The following ERI1 variants were observed in gnomAD, a reference collection of about 807,000 sequenced individuals.
The protein encoded by ERI1 is exoribonuclease 1.
A neutral mutation model predicts 39.7 loss-of-function variants in ERI1; 39 were observed. The observed-to-expected ratio is 0.98, with a 90% CI of 0.76 to 1.28. The LOEUF (loss-of-function observed/expected upper bound fraction) is 1.28. Ranked by LOEUF, ERI1 falls within the 50% of genes most tolerant of loss-of-function variation. The probability of loss-of-function intolerance (pLI) is 0.00; values close to 1 mark genes in which losing one functional copy is unlikely to be tolerated. For missense variants in ERI1, 581 were observed against 416.9 expected, an observed-to-expected ratio of 1.39 and a Z score of -3.43; for synonymous variants, 204 against 149.6, an observed-to-expected ratio of 1.36 and a Z score of -2.65.
chr8:9,085,685 G>T (rs539600668), intron 3 of ERI1, among the ~76,000 whole-genome samples: 6 of 151,736 alleles, frequency 4.0e-5, no homozygotes, highest in Non-Finnish European at 8.8e-5. Flanking sequence ...GAAAGTTCAG[G>T]GCCCCTAATT....
intron 3 of ERI1, among the ~76,000 whole-genome samples, chr8:9,063,154 AT>A (rs1298600570): frequency 6.6e-6 from 1 of 152,170 alleles, no homozygotes; most frequent in East Asian, 1.9e-4. Context: ...TCGGCAGCAG[AT>A]TGGGTAATAA....
chr8:9,064,256 G>T (rs1392178710), intron 3 of ERI1, among the ~76,000 whole-genome samples: 1 of 150,322 alleles, frequency 6.7e-6, no homozygotes, highest in African/African-American at 2.5e-5. Context: ...GGGGTTTCTT[G>T]CCCCCCAGAA....
At chr8:9,057,981 T>C (rs1013832027) in intron 3 of ERI1, among the ~76,000 whole-genome samples, 2 of 152,152 alleles carry the variant, frequency 1.3e-5, no homozygotes, top group Admixed American at 1.3e-4. Context: ...TCATAGGGTC[T>C]TGGGGGCCGT....
At chr8:9,080,370 A>C (rs572748433) in intron 3 of ERI1, among the ~76,000 whole-genome samples, 59 of 152,290 alleles carry the variant, frequency 3.9e-4, no homozygotes, top group African/African-American at 1.4e-3. Context: ...TGATGTCCTG[A>C]CAGGATGGCT....
At position 9,032,650 on chromosome 8, in the gene ERI1, A is replaced by G. The variant is rs529429030; in HGVS notation, c.*2616A>G. The G allele has an allele frequency of 3.9e-5, 6 of 152,334 alleles. No homozygotes were observed. The highest frequency in any genetic ancestry group is 1.3e-4 in the Admixed American group (2 of 15,300). The allele number at this position is 152,334 out of a possible 1,614,324, so 9.4% of individuals were successfully genotyped here. On this transcript the variant is annotated 3_prime_UTR_variant, in exon 7 of 7. Coordinates refer to ENST00000250263, the MANE Select transcript of ERI1 (RefSeq NM_153332.4). ...TCTCTGAAGACTAATTAAAATGGTA[A>G]TTTTTAAAAAGATGTGACCAGTTGA...
rs752168170 is a variant in ERI1 at position 9,029,885 on chromosome 8, A to G, written c.901A>G (p.Asn301Asp). Residue 301 changes from asparagine to aspartate, a missense_variant, in exon 7 of 7, where the codon AAT becomes GAT. By Grantham distance (23) the Asn-to-Asp change is conservative. Transcript: ENST00000250263. The part of the protein sequence containing the change: ...RPHCGLDDSK[N>D]IARIAVRMLQ... ...TCACTGTGGTCTTGATGACTCTAAG[A>G]ATATCGCCCGAATAGCAGTTCGAAT... The G allele has an allele frequency of 2.5e-6, 4 of 1,614,178 alleles. No homozygotes were observed. The highest frequency in any genetic ancestry group is 3.4e-6 in the Non-Finnish European group (4 of 1,180,032).
chr8:9,016,109 T>G (rs2117225789), intron 3 of ERI1, among the ~76,000 whole-genome samples: 1 of 152,332 alleles, frequency 6.6e-6, no homozygotes, highest in Non-Finnish European at 1.5e-5. Context: ...CACACTCACT[T>G]TATCGTAAAA....
intron 3 of ERI1, among the ~76,000 whole-genome samples, chr8:9,044,762 C>A (rs1157898610): frequency 6.6e-6 from 1 of 152,008 alleles, no homozygotes; most frequent in Non-Finnish European, 1.5e-5. Context: ...GTCTCCAAGA[C>A]GGTATTTTCC....
chr8:9,082,080 A>G (rs1799389366), intron 3 of ERI1, among the ~76,000 whole-genome samples: 1 of 152,152 alleles, frequency 6.6e-6, no homozygotes, highest in Non-Finnish European at 1.5e-5. Context: ...TCAGAGTAGA[A>G]TGGAAAGCAT....
At chr8:9,010,044 C>G (rs763618339) in intron 2 of ERI1, among the ~76,000 whole-genome samples, 2 of 152,134 alleles carry the variant, frequency 1.3e-5, no homozygotes, top group African/African-American at 4.8e-5. Flanking sequence ...AAGAATGAAT[C>G]GAAGTGTTGT....
intron 3 of ERI1, among the ~76,000 whole-genome samples, chr8:9,063,950 G>C (rs928548056): frequency 6.6e-6 from 1 of 151,930 alleles, no homozygotes; most frequent in African/African-American, 2.4e-5. Flanking sequence ...AGTGAAGGAG[G>C]CAAGCCCAGA....
In ERI1 at chr8:9,002,965, G is replaced by C; in HGVS notation, c.-99G>C. The C allele has an allele frequency of 1.1e-6, 1 of 882,140 alleles. No homozygotes were observed. Among genetic ancestry groups the C allele is most frequent in the Non-Finnish European group, 1.5e-6 (1 of 665,586 alleles). The allele number at this position is 882,140 out of a possible 1,614,324, so 54.6% of individuals were successfully genotyped here. On this transcript the variant is annotated 5_prime_UTR_variant, in exon 1 of 7. Transcript: ENST00000250263. ...CCGCCGCCGCGGGAACGCGAGCCCG[G>C]TAATTTTTCAACGGAGAAAGGCGAG...
At chr8:9,096,148 A>G (rs530824060) in intron 3 of ERI1, among the ~76,000 whole-genome samples, 1 of 152,342 alleles carries the variant, frequency 6.6e-6, no homozygotes, top group South Asian at 2.1e-4. Context: ...ATTGCATGGC[A>G]TTCAGTGCAG....
downstream of ERI1, among the ~76,000 whole-genome samples, chr8:9,034,450 G>A (rs1225458499): frequency 1.3e-5 from 2 of 152,122 alleles, no homozygotes; most frequent in South Asian, 2.1e-4. Flanking sequence ...TTCACTTCAT[G>A]TCTCATATTT....
intron 3 of ERI1, among the ~76,000 whole-genome samples, chr8:9,053,378 A>C (rs1798416188): frequency 6.6e-6 from 1 of 152,168 alleles, no homozygotes; most frequent in African/African-American, 2.4e-5. Context: ...ACTCTTGAGC[A>C]ACAAGCTTCC....
chr8:9,072,031 A>G (rs2117428649), intron 3 of ERI1, among the ~76,000 whole-genome samples: 1 of 152,320 alleles, frequency 6.6e-6, no homozygotes, highest in Non-Finnish European at 1.5e-5. Context: ...GCACCACTGC[A>G]TTCCAGCCTG....
downstream of ERI1, among the ~76,000 whole-genome samples, chr8:9,035,593 C>T (rs779079094): frequency 6.6e-6 from 1 of 152,140 alleles, no homozygotes; most frequent in Non-Finnish European, 1.5e-5. Flanking sequence ...TATGACTGCT[C>T]ATTGACAATG....
chr8:9,019,818 T>C (rs1563324162), intron 5 of ERI1, among the ~76,000 whole-genome samples: 1 of 152,224 alleles, frequency 6.6e-6, no homozygotes, highest in South Asian at 2.1e-4. Flanking sequence ...CTGCTATTAT[T>C]CTGACTCTCC....
intron 3 of ERI1, among the ~76,000 whole-genome samples, chr8:9,064,578 T>C (rs1350243368): frequency 6.6e-6 from 1 of 151,928 alleles, no homozygotes; most frequent in Admixed American, 6.6e-5. Context: ...GGTGCAAAGA[T>C]TGAAAGGAGA....
Sources: allele counts gnomAD v4.1 joint callset (sites outside exome capture counted in the v4.1 genomes callset), GRCh38; gene constraint gnomAD v4.1.1; transcripts MANE v1.5; gene names NCBI Gene and HGNC (gene_info 2026-07-23, HGNC 2026-07-21).